Variants in CPSF4 observed in about 807,000 individuals in gnomAD.
The protein encoded by CPSF4 is cleavage and polyadenylation specificity factor subunit 4.
A neutral mutation model predicts 37.7 loss-of-function variants in CPSF4; 11 were observed. The observed-to-expected ratio is 0.29, with a 90% confidence interval of 0.18 to 0.48. The LOEUF is 0.48. CPSF4 is among the 20% of genes least tolerant of loss of function. The pLI, the probability that CPSF4 is intolerant of heterozygous loss-of-function variation, is 0.99. For missense variants in CPSF4, 144 were observed against 359.5 expected (o/e 0.40, Z 4.85); for synonymous variants, 132 against 135.9 (o/e 0.97, Z 0.20).
Position 99,444,796 on chromosome 7 carries a change from C to T in CPSF4, c.111C>T (p.Gly37=), listed in dbSNP as rs769057045. 21 of 1,613,530 alleles carry T rather than the reference C, an allele frequency of 1.3e-5. 1 individual carries two copies. In the Middle Eastern group the frequency reaches 1.3e-3, roughly 101 times the overall value. ...PLPFPGMDKS[G]AAVCEFFLKA... is the part of the protein sequence containing the mutation. ...TTTCTCTCCTTTCTACAGAGTCGGG[C>T]GCTGCTGTCTGTGAATTCTTTTTGA... The change falls in exon 2 of 8, where the codon GGC becomes GGT. Residue 37 remains glycine, a synonymous_variant. Coordinates refer to ENST00000292476, the MANE Select transcript of CPSF4 (RefSeq NM_006693.4).
At chr7:99,450,018 A>G (rs535933126) in intron 3 of CPSF4, among the ~76,000 whole-genome samples, 5 of 152,308 alleles carry the variant, frequency 3.3e-5, no homozygotes, top group Admixed American at 2.6e-4. Context: ...GGAGAGGGCC[A>G]GGTCCACAAG....
chr7:99,439,269 G>C, intron 1 of CPSF4, 84 bp downstream of exon 1: 1 of 1,014,950 alleles, frequency 9.9e-7, no homozygotes, highest in Non-Finnish European at 1.4e-6. Context: ...CCCTCGCCTC[G>C]GTCCTGAGAC....
intron 1 of CPSF4, among the ~76,000 whole-genome samples, chr7:99,441,120 T>C (rs1796941110): frequency 6.6e-6 from 1 of 151,808 alleles, no homozygotes; most frequent in South Asian, 2.1e-4. Flanking sequence ...CCAACTAATT[T>C]TTGTATTTTT....
At position 99,448,074 on chromosome 7, in the gene CPSF4, C is replaced by A. The variant is rs768129582; in HGVS notation, c.155-47C>A. 1 of 1,600,102 alleles carries A rather than the reference C, an allele frequency of 6.2e-7. No homozygotes were observed. The stretch of plus-strand genomic sequence containing the variant: ...GCTTCTTCAGGCCGTGTCCCCCAGG[C>A]TCAGGGTGGCCTCTCTGCTGACACC... On this transcript the variant is annotated intron_variant, in intron 2 of 7. Coordinates refer to ENST00000292476, the MANE Select transcript of CPSF4 (RefSeq NM_006693.4). This position sits in a 1 kb window ranked among gnomAD's most constrained non-coding sequence, Gnocchi z 4.4.
intron 7 of CPSF4, among the ~76,000 whole-genome samples, chr7:99,454,857 T>G (rs564465423): frequency 6.6e-6 from 1 of 152,214 alleles, no homozygotes; most frequent in Admixed American, 6.5e-5. Flanking sequence ...CGCACACAAT[T>G]CCTACAGCTG....
At chr7:99,442,860 CAG>C (rs1797139770) in intron 1 of CPSF4, 3 of 1,054,462 alleles carry the variant, frequency 2.8e-6, no homozygotes, top group Non-Finnish European at 4.5e-6. Context: ...CACTGGAGAA[CAG>C]AAAGTATCAA....
Position 99,454,018 on chromosome 7 carries a change from G to A in CPSF4, c.623G>A (p.Ser208Asn). The change falls in exon 7 of 8, where the codon AGT becomes AAT. Residue 208 changes from serine to asparagine, a missense_variant. Coordinates refer to ENST00000292476, the MANE Select transcript of CPSF4 (RefSeq NM_006693.4). ...QRSSSLIQLTSQNSSPNQQRT... is the reference protein window; with the variant it reads ...QRSSSLIQLTNQNSSPNQQRT... Reference sequence around the variant, plus strand: ...TCGTCCTCCTTGATCCAGTTAACGAGTCAGAACTCTTCTCCCAATCAGCAG... The same window carrying A: ...TCGTCCTCCTTGATCCAGTTAACGAATCAGAACTCTTCTCCCAATCAGCAG... 6.2e-7 allele frequency: 1 copy of A among 1,614,172 alleles called. No individual in the cohort carries two copies. The highest frequency in any genetic ancestry group is 1.3e-5 in the African/African-American group (1 of 75,046).
At chr7:99,445,497 G>A (rs1386335515) in intron 2 of CPSF4, among the ~76,000 whole-genome samples, 3 of 152,154 alleles carry the variant, frequency 2.0e-5, no homozygotes, top group Non-Finnish European at 4.4e-5. Context: ...GCAAGCTTCA[G>A]CTTATGGAGC....
chr7:99,440,668 A>ATGTTTTT (rs1263161658), intron 1 of CPSF4, among the ~76,000 whole-genome samples: 13 of 84,822 alleles, frequency 1.5e-4, no homozygotes, highest in Non-Finnish European at 1.7e-4. Flanking sequence ...ATATATATAT[A>ATGTTTTT]TATATATTTT....
rs961659872 is a variant in CPSF4, at chr7:99,443,265, TCAA to T, written c.104-1521_104-1519del. 6.6e-5 allele frequency: 51 copies of T among 776,826 alleles called. No individual in the cohort carries two copies. In the African/African-American group the frequency reaches 7.9e-4, roughly 12 times the overall value. The allele number at this position is 776,826 out of a possible 1,614,324, so 48.1% of individuals were successfully genotyped here. On this transcript the variant is annotated intron_variant, in intron 1 of 7. Transcript: ENST00000292476. ...CACCACTTTCTTCTCTGCTGCCACA[TCAA>T]CAGTTTTTTTCAGGGGGTTCTTCCT...
At chr7:99,450,960 A>G (rs1324372714) in intron 5 of CPSF4, 165 bp downstream of exon 5, 15 of 599,280 alleles carry the variant, frequency 2.5e-5, no homozygotes, top group Admixed American at 1.4e-4. Flanking sequence ...ATGGCCACCA[A>G]TGCTTCCTGA....
chr7:99,450,683 C>CGGACA lies in CPSF4; in HGVS notation c.404-18_404-14dup, dbSNP rs1797867879. 1 of 1,592,858 alleles carries CGGACA rather than the reference C, an allele frequency of 6.3e-7. No homozygotes were observed. Among genetic ancestry groups the CGGACA allele is most frequent in the Non-Finnish European group, 8.6e-7 (1 of 1,160,688 alleles). ...CTGGTAGAGGGGACATCTAAGTGAC[C>CGGACA]GGACACTTGGCTCTGCAGGTCCCCT... On this transcript the variant is annotated intron_variant, in intron 4 of 7. Transcript: ENST00000292476.
intron 4 of CPSF4, 154 bp from the exon 5 acceptor site, chr7:99,450,548 G>A (rs918934184): frequency 1.3e-6 from 1 of 762,150 alleles, no homozygotes; most frequent in South Asian, 1.6e-5. Flanking sequence ...GGTGGGTGGT[G>A]GTCCACCCGC....
chr7:99,441,549 C>T, intron 1 of CPSF4: 1 of 456,220 alleles, frequency 2.2e-6, no homozygotes, highest in South Asian at 1.5e-5. Context: ...TCTTCATCCC[C>T]ATCTGAGTTT....
At chr7:99,447,534 C>G (rs548279396) in intron 2 of CPSF4, among the ~76,000 whole-genome samples, 1 of 151,228 alleles carries the variant, frequency 6.6e-6, no homozygotes, top group Admixed American at 6.6e-5. Flanking sequence ...CCTCCCAGCA[C>G]CTCCCCCCTT....
intron 1 of CPSF4, among the ~76,000 whole-genome samples, chr7:99,440,674 A>ATTTTTTTTTT (rs1195402168): frequency 5.7e-5 from 5 of 88,076 alleles, no homozygotes; most frequent in African/African-American, 3.9e-4. Flanking sequence ...ATATATATAT[A>ATTTTTTTTTT]TTTTTTTTTT....
intron 7 of CPSF4, 30 bp downstream of exon 7, chr7:99,454,166 G>A: frequency 1.3e-6 from 2 of 1,589,604 alleles, no homozygotes; most frequent in East Asian, 2.2e-5. Context: ...GACAGGGTGG[G>A]GTCTTCCCTT....
At chr7:99,440,947 CTTTTT>C (rs555082595) in intron 1 of CPSF4, among the ~76,000 whole-genome samples, 1 of 120,280 alleles carries the variant, frequency 8.3e-6, no homozygotes, top group Non-Finnish European at 1.7e-5. Context: ...CTTTTCCTGT[CTTTTT>C]TTTTTTTTTT....
Position 99,450,342 on chromosome 7 carries a change from C to T in CPSF4, c.374C>T (p.Pro125Leu). Residue 125 changes from proline (P) to leucine (L), a missense_variant, in exon 4 of 8, where the codon CCT (proline) becomes CTT (leucine). Pro to Leu is a moderately conservative substitution (Grantham distance 98, BLOSUM62 -3). Coordinates refer to ENST00000292476, the MANE Select transcript of CPSF4 (RefSeq NM_006693.4). ...CCCGAGTCCAAGATCAAGGACTGTC[C>T]TTGGTATGACCGTGGCTTCTGCAAG... is the stretch of plus-strand genomic sequence containing the variant. ...IDPESKIKDC[P>L]WYDRGFCKHG... 6.2e-7 allele frequency: 1 copy of T among 1,613,690 alleles called. No homozygotes were observed. The highest frequency in any genetic ancestry group is 8.5e-7 in the Non-Finnish European group (1 of 1,179,760).
Sources: allele counts gnomAD v4.1 joint callset (sites outside exome capture counted in the v4.1 genomes callset), GRCh38; gene constraint gnomAD v4.1.1; non-coding constraint Gnocchi (gnomAD v3.1); transcripts MANE v1.5; gene names NCBI Gene and HGNC (gene_info 2026-07-23, HGNC 2026-07-21).